KLF8: variants seen among roughly 807,000 people sequenced by gnomAD.
KLF8 encodes KLF transcription factor 8, also known as Krueppel-like factor 8.
KLF8 carries 10 observed loss-of-function variants against 18.2 expected under a neutral mutation model. The observed-to-expected ratio is 0.55, with a 90% CI of 0.34 to 0.93. The LOEUF (loss-of-function observed/expected upper bound fraction) is 0.93, where lower values mean the gene tolerates loss of function less well. Ranked by LOEUF, KLF8 falls within the 40% of genes least tolerant of loss-of-function variation. The pLI, the probability that KLF8 is intolerant of heterozygous loss-of-function variation, is 0.02. For missense variants in KLF8, 264 were observed against 277.9 expected, an observed-to-expected ratio of 0.95 and a Z score of 0.36; for synonymous variants, 109 against 97.3, an observed-to-expected ratio of 1.12 and a Z score of -0.71.
chrX:55,976,668 C>T, the KLF8 span, among the ~76,000 whole-genome samples: 1 of 110,362 alleles, frequency 9.1e-6, no homozygotes, highest in African/African-American at 3.3e-5. Context: ...TTTTGTGTTT[C>T]TGTGAAAAGT....
the KLF8 span, among the ~76,000 whole-genome samples, chrX:56,029,783 G>A: frequency 2.7e-5 from 3 of 111,709 alleles, no homozygotes; most frequent in African/African-American, 9.8e-5. Flanking sequence ...ATTGGACTGG[G>A]CATTCCTCCC....
the KLF8 span, among the ~76,000 whole-genome samples, chrX:56,208,058 T>C: frequency 2.7e-5 from 3 of 110,818 alleles, no homozygotes; most frequent in African/African-American, 9.8e-5. Flanking sequence ...TTATTCACTA[T>C]CACAAGAACA....
At chrX:55,972,280 G>A in the KLF8 span, among the ~76,000 whole-genome samples, 7 of 111,269 alleles carry the variant, frequency 6.3e-5, no homozygotes, top group South Asian at 3.8e-4. Flanking sequence ...AATAAGCCAG[G>A]CATGAAAAGA....
chrX:56,248,428 C>T (rs1436862724), intron 1 of KLF8, among the ~76,000 whole-genome samples: 1 of 111,729 alleles, frequency 9.0e-6, no homozygotes, highest in Non-Finnish European at 1.9e-5. Context: ...CCGTGTTACC[C>T]CCTCTTTTGG....
the KLF8 span, among the ~76,000 whole-genome samples, chrX:55,934,444 G>A: frequency 0.53 from 58,357 of 110,991 alleles, 13,477 homozygotes; most frequent in East Asian, 0.75. Context: ...GCAATTGTCA[G>A]AAGCAGAATG....
the KLF8 span, among the ~76,000 whole-genome samples, chrX:56,030,022 A>C: frequency 8.9e-6 from 1 of 112,395 alleles, no homozygotes; most frequent in African/African-American, 3.2e-5. Flanking sequence ...CACTTTGACT[A>C]ACTAAGGCCA....
chrX:56,173,926 G>C, the KLF8 span, among the ~76,000 whole-genome samples: 1 of 111,772 alleles, frequency 8.9e-6, no homozygotes, highest in African/African-American at 3.2e-5. Context: ...GAATGCTTGT[G>C]ATTTTTGCAC....
the KLF8 span, among the ~76,000 whole-genome samples, chrX:56,176,721 C>T: frequency 1.8e-5 from 2 of 111,711 alleles, no homozygotes; most frequent in Admixed American, 1.9e-4. Flanking sequence ...TCCATTCTCC[C>T]TGTCACTTTC....
intron 2 of KLF8, 36 bp downstream of exon 2, chrX:56,250,340 C>T (rs1264764534): frequency 4.1e-6 from 4 of 983,576 alleles, no homozygotes. Context: ...TAATATTGGG[C>T]CATAATAGTA....
the KLF8 span, among the ~76,000 whole-genome samples, chrX:56,085,311 A>T: frequency 1.8e-5 from 2 of 112,106 alleles, no homozygotes; most frequent in East Asian, 5.6e-4. Context: ...GAGGCTGTGA[A>T]GTTTCACAAT....
At chrX:56,045,621 T>C in the KLF8 span, among the ~76,000 whole-genome samples, 2 of 112,001 alleles carry the variant, frequency 1.8e-5, no homozygotes, top group East Asian at 2.8e-4. Context: ...GTCTTTCATG[T>C]CCTTGGTTAG....
the KLF8 span, among the ~76,000 whole-genome samples, chrX:56,052,474 T>C: frequency 8.9e-6 from 1 of 111,935 alleles, no homozygotes; most frequent in Non-Finnish European, 1.9e-5. Context: ...TGTTTGTTAG[T>C]TTTCCTTCTA....
chrX:56,166,302 C>T, the KLF8 span, among the ~76,000 whole-genome samples: 2 of 111,541 alleles, frequency 1.8e-5, no homozygotes, highest in Non-Finnish European at 3.8e-5. Flanking sequence ...GTTTTTAAAA[C>T]TAAAATGTAT....
the KLF8 span, among the ~76,000 whole-genome samples, chrX:56,170,525 A>G: frequency 9.1e-6 from 1 of 109,803 alleles, no homozygotes; most frequent in Admixed American, 9.9e-5. Context: ...GAAGTTCTGG[A>G]GCTAAAACAT....
chrX:56,179,063 A>ATT, the KLF8 span, among the ~76,000 whole-genome samples: 1 of 111,875 alleles, frequency 8.9e-6, no homozygotes, highest in Non-Finnish European at 1.9e-5. Flanking sequence ...GAATCTATAA[A>ATT]TTACCTTGGG....
chrX:56,177,441 T>C, the KLF8 span, among the ~76,000 whole-genome samples: 1 of 111,019 alleles, frequency 9.0e-6, no homozygotes, highest in African/African-American at 3.3e-5. Flanking sequence ...GCAAATGTTG[T>C]TGCCTGATCG....
the KLF8 span, among the ~76,000 whole-genome samples, chrX:56,009,961 T>TA: frequency 1.8e-5 from 2 of 111,812 alleles, no homozygotes; most frequent in East Asian, 5.6e-4. Context: ...TTGAATTATG[T>TA]AAAAAAACCA....
chrX:56,139,883 C>A, the KLF8 span, among the ~76,000 whole-genome samples: 1 of 111,665 alleles, frequency 9.0e-6, no homozygotes, highest in Non-Finnish European at 1.9e-5. Flanking sequence ...ATGCATCTGA[C>A]AAAGGCCTAA....
At chrX:56,003,350 C>T in the KLF8 span, among the ~76,000 whole-genome samples, 15 of 110,138 alleles carry the variant, frequency 1.4e-4, no homozygotes, top group East Asian at 2.8e-4. Flanking sequence ...GCGGAGGTTG[C>T]AGTGAGCCGA....
Sources: gnomAD v4.1 joint callset for allele counts (sites outside exome capture counted in the v4.1 genomes callset) on GRCh38, gnomAD v4.1.1 for gene constraint, MANE v1.5 for transcripts, NCBI Gene and HGNC (gene_info 2026-07-23, HGNC 2026-07-21) for gene names.